Variants in PITRM1 observed in about 807,000 individuals in gnomAD.
PITRM1 encodes the protein presequence protease, mitochondrial.
A neutral mutation model predicts 129.9 loss-of-function variants in PITRM1; 100 were observed. That is an observed-to-expected ratio of 0.77 (90% CI 0.65 to 0.91). The LOEUF (loss-of-function observed/expected upper bound fraction) is 0.91. Ranked by LOEUF, PITRM1 falls within the 40% of genes least tolerant of loss-of-function variation. The pLI, the probability that PITRM1 is intolerant of heterozygous loss-of-function variation, is 0.00. For missense variants in PITRM1, 1,471 were observed against 1,318.3 expected (o/e 1.12, Z -1.79); for synonymous variants, 591 against 508.8 (o/e 1.16, Z -2.17).
At chr10:3,158,876 C>A in intron 10 of PITRM1, 38 bp downstream of exon 10, 2 of 1,600,364 alleles carry the variant, frequency 1.2e-6, no homozygotes, top group South Asian at 2.2e-5. Context: ...TGCCCCCAAC[C>A]AATGAGAACT....
In PITRM1 at chr10:3,158,162, C is replaced by G. The variant is rs1302414127; in HGVS notation, c.1137-9G>C. ...TCGTGTAGCCATTATATCTAGAAGA[C>G]AAAACCAGAAATGATGCACTGGAAT... On this transcript the variant is annotated splice_polypyrimidine_tract_variant and intron_variant, in intron 10 of 26. Coordinates refer to ENST00000224949, the MANE Select transcript of PITRM1 (RefSeq NM_014889.4). 2 of 1,495,656 alleles carry G rather than the reference C, an allele frequency of 1.3e-6. No homozygotes were observed. The highest frequency in any genetic ancestry group is 1.9e-6 in the Non-Finnish European group (2 of 1,078,730). The allele number at this position is 1,495,656 out of a possible 1,614,324, so 92.6% of individuals were successfully genotyped here.
intron 2 of PITRM1, among the ~76,000 whole-genome samples, chr10:3,167,280 A>AGAGAGAGC (rs367625541): frequency 5.4e-5 from 4 of 73,784 alleles, no homozygotes; most frequent in East Asian, 4.1e-4. Context: ...ATAGAAAGAG[A>AGAGAGAGC]GAGAGAGCGA....
At chr10:3,150,716 A>C (rs1197239517) in intron 15 of PITRM1, among the ~76,000 whole-genome samples, 2 of 152,188 alleles carry the variant, frequency 1.3e-5, no homozygotes, top group African/African-American at 4.8e-5. Flanking sequence ...CGTGACAAAA[A>C]GTACCACGGA....
rs943676152 is a variant in PITRM1, at chr10:3,152,132, C to G, written c.1622-769G>C. On this transcript the variant is annotated intron_variant, in intron 14 of 26. Transcript: ENST00000224949. ...ATAAATCACACAAATTACAGTGGTG[C>G]TTAGAAAGACACTTCCTGGGCCTGA... Among the ~76,000 whole-genome samples the G allele has an allele frequency of 3.9e-5, 6 of 152,164 alleles. No homozygotes were observed. The East Asian group carries it at 1.2e-3, about 29-fold the overall frequency.
chr10:3,163,752 G>A lies in PITRM1; in HGVS notation c.764C>T (p.Ala255Val). ...AGCATTGCTTGGGTGATAGTGAGTG[G>A]CATGAAACTGCTTAAGCTGCTCCCA... is the stretch of plus-strand genomic sequence containing the variant. The part of the protein sequence containing the change: ...LTWEQLKQFH[A>V]THYHPSNARF... Residue 255 changes from alanine to valine, a missense_variant, in exon 7 of 27, where the codon GCC becomes GTC. Ala to Val is a moderately conservative substitution (Grantham distance 64, BLOSUM62 0). Coordinates refer to ENST00000224949, the MANE Select transcript of PITRM1 (RefSeq NM_014889.4). The A allele has an allele frequency of 6.2e-7, 1 of 1,611,638 alleles. No homozygotes were observed. Among genetic ancestry groups the A allele is most frequent in the Non-Finnish European group, 8.5e-7 (1 of 1,179,056 alleles).
chr10:3,172,225 T>G (rs1843438730), intron 1 of PITRM1: 1 of 457,360 alleles, frequency 2.2e-6, no homozygotes. Flanking sequence ...AACACTAAAC[T>G]GCTTCGTCAT....
At chr10:3,165,943 T>G (rs371489082) in intron 4 of PITRM1, among the ~76,000 whole-genome samples, 3 of 152,180 alleles carry the variant, frequency 2.0e-5, no homozygotes, top group African/African-American at 7.2e-5. Context: ...ACATCAACAT[T>G]AGTAGTAACT....
chr10:3,147,951 AC>A (rs1332911856), intron 18 of PITRM1, 35 bp downstream of exon 18: 2 of 1,473,078 alleles, frequency 1.4e-6, no homozygotes, highest in African/African-American at 2.8e-5. Context: ...TCTCTAGTAC[AC>A]CCCAAGAATG....
chr10:3,145,910 A>C, intron 20 of PITRM1, 194 bp from the exon 21 acceptor site: 1 of 579,254 alleles, frequency 1.7e-6, no homozygotes. Context: ...AGATTTCCGC[A>C]CAGTTCAATG....
intron 15 of PITRM1, among the ~76,000 whole-genome samples, chr10:3,150,854 G>A (rs933640819): frequency 6.6e-6 from 1 of 152,124 alleles, no homozygotes; most frequent in Non-Finnish European, 1.5e-5. Flanking sequence ...CTTTCTGGGG[G>A]CTCTCGTCCC....
At chr10:3,143,800 C>T in intron 22 of PITRM1, 1 of 630,422 alleles carries the variant, frequency 1.6e-6, no homozygotes, top group South Asian at 1.5e-5. Context: ...ACATTTCATT[C>T]TACGCCGTTT....
At chr10:3,164,278 A>T (rs1303331713) in intron 6 of PITRM1, 1 of 154,530 alleles carries the variant, frequency 6.5e-6, no homozygotes, top group Admixed American at 6.5e-5. Flanking sequence ...CAAATTGAGA[A>T]TGAAAAGGTA....
Position 3,172,754 on chromosome 10 carries a change from G to T in PITRM1, c.19C>A (p.Arg7=), listed in dbSNP as rs371454397. The T allele has an allele frequency of 4.5e-6, 7 of 1,545,174 alleles. No individual in the cohort carries two copies. The African/African-American group carries it at 5.5e-5, about 12-fold the overall frequency. Residue 7 remains arginine (R), a synonymous_variant, in exon 1 of 27, where the codon CGG becomes AGG. Coordinates refer to ENST00000224949, the MANE Select transcript of PITRM1 (RefSeq NM_014889.4). MWRCGG[R]QGLCVLRRLS... ...CGCCTCAGCACACACAGGCCCTGCC[G>T]CCCGCCGCAGCGCCACATTGCGCAT...
intron 16 of PITRM1, 47 bp downstream of exon 16, chr10:3,149,574 C>T (rs1331521887): frequency 1.3e-6 from 2 of 1,502,082 alleles, no homozygotes; most frequent in Non-Finnish European, 1.8e-6. Context: ...GATATGCACA[C>T]AAAGCAGACA....
intron 13 of PITRM1, 33 bp from the exon 14 acceptor site, chr10:3,155,762 T>C (rs1254358508): frequency 6.2e-7 from 1 of 1,611,310 alleles, no homozygotes; most frequent in East Asian, 2.2e-5. Context: ...AAAAGCCAAG[T>C]GAAAACAAGA....
intron 15 of PITRM1, chr10:3,151,031 C>G (rs939995127): frequency 2.0e-6 from 1 of 506,328 alleles, no homozygotes; most frequent in Non-Finnish European, 3.6e-6. Context: ...CAGGAACACA[C>G]ACACACACGG....
At chr10:3,140,415 C>T (rs1157015650) in intron 24 of PITRM1, among the ~76,000 whole-genome samples, 3 of 152,186 alleles carry the variant, frequency 2.0e-5, no homozygotes, top group Admixed American at 2.0e-4. Context: ...GGCAAACCCA[C>T]GGATGGAGGC....
chr10:3,152,187 C>T (rs561956905), intron 14 of PITRM1, among the ~76,000 whole-genome samples: 2 of 152,340 alleles, frequency 1.3e-5, no homozygotes, highest in Non-Finnish European at 2.9e-5. Flanking sequence ...GGAGGCAGCA[C>T]CTTCACAGCA....
intron 24 of PITRM1, 114 bp downstream of exon 24, chr10:3,140,573 C>T (rs1840084011): frequency 1.0e-6 from 1 of 985,932 alleles, no homozygotes; most frequent in Non-Finnish European, 1.5e-6. Context: ...AAGAAGCACA[C>T]AGAACAACTT....
Sources: gnomAD v4.1 joint callset for allele counts (sites outside exome capture counted in the v4.1 genomes callset) on GRCh38, gnomAD v4.1.1 for gene constraint, MANE v1.5 for transcripts, NCBI Gene and HGNC (gene_info 2026-07-23, HGNC 2026-07-21) for gene names.